LONP2: variants seen among roughly 807,000 people sequenced by gnomAD.
The protein encoded by LONP2 is lon peptidase 2, peroxisomal.
Under a neutral mutation model 85.6 loss-of-function variants are expected in LONP2, and 60 were observed. The ratio of observed to expected loss-of-function variants is 0.70; its 90% CI spans 0.57 to 0.87. The LOEUF (loss-of-function observed/expected upper bound fraction) is 0.87. Among genes scored for constraint, LONP2 ranks in the 40% least tolerant of loss-of-function variants. The probability of loss-of-function intolerance (pLI) is 0.00; values close to 1 mark genes in which losing one functional copy is unlikely to be tolerated. For synonymous variants in LONP2, 395 were observed against 389.7 expected (o/e 1.01, Z -0.16); for missense variants, 860 against 1,063.5 (o/e 0.81, Z 2.66).
At chr16:48,360,756 A>C (rs1238860554), downstream of LONP2, 1 of 152,620 alleles carries the variant, frequency 6.6e-6, no homozygotes, top group Middle Eastern at 3.2e-3. Flanking sequence ...TATTTATAAA[A>C]ATCAATTTAT....
At position 48,276,676 on chromosome 16, in the gene LONP2, C is replaced by T. The variant is rs1051451654; in HGVS notation, c.1242-662C>T. Among the ~76,000 whole-genome samples the T allele has an allele frequency of 4.6e-5, 7 of 152,076 alleles. No homozygotes were observed. The East Asian group carries it at 9.6e-4, about 21-fold the overall frequency. The stretch of plus-strand genomic sequence containing the variant: ...TCAACAAAATACCTGGCTGGCTGAA[C>T]GTGGTTATTGCCAATTAGTGCATAT... On this transcript the variant is annotated intron_variant, in intron 7 of 14. Coordinates refer to ENST00000285737, the MANE Select transcript of LONP2 (RefSeq NM_031490.5).
At chr16:48,312,623 G>T (rs74017908) in intron 11 of LONP2, among the ~76,000 whole-genome samples, 1,865 of 152,198 alleles carry the variant, frequency 0.012, 40 homozygotes, top group African/African-American at 0.042. Context: ...AGTAATGTAC[G>T]GGGTGGGTGA....
intron 8 of LONP2, among the ~76,000 whole-genome samples, chr16:48,284,047 G>C (rs1234609452): frequency 1.3e-5 from 2 of 152,136 alleles, no homozygotes; most frequent in African/African-American, 4.8e-5. Context: ...CCGCAGTTGT[G>C]GTAGAAATAG....
chr16:48,244,787 C>T (rs1452279892), intron 1 of LONP2, among the ~76,000 whole-genome samples, 166 bp downstream of exon 1: 4 of 152,230 alleles, frequency 2.6e-5, no homozygotes, highest in Admixed American at 6.5e-5. Context: ...TGTCAGATAC[C>T]TGCCCCATGA....
chr16:48,301,011 A>G (rs540160827), intron 10 of LONP2, among the ~76,000 whole-genome samples: 28 of 152,326 alleles, frequency 1.8e-4, no homozygotes, highest in Middle Eastern at 3.4e-3. Context: ...TGTTAACTCA[A>G]AATATCAGAT....
intron 13 of LONP2, 84 bp downstream of exon 13, chr16:48,347,798 C>A: frequency 7.9e-7 from 1 of 1,266,284 alleles, no homozygotes; most frequent in Non-Finnish European, 1.1e-6. Context: ...TCGAGACTGC[C>A]AGTTACACAT....
intron 11 of LONP2, among the ~76,000 whole-genome samples, chr16:48,331,152 A>G (rs1355453665): frequency 6.7e-6 from 1 of 148,562 alleles, no homozygotes; most frequent in African/African-American, 2.6e-5. Context: ...TTCCATCTAT[A>G]GTGTAGTAAC....
chr16:48,334,892 C>A (rs1415215224), intron 12 of LONP2: 2 of 408,090 alleles, frequency 4.9e-6, no homozygotes, highest in East Asian at 1.3e-4. Context: ...ACTCCATTCT[C>A]ATTTTTTTGT....
chr16:48,270,617 C>T (rs1972083599), intron 7 of LONP2, among the ~76,000 whole-genome samples: 2 of 152,108 alleles, frequency 1.3e-5, no homozygotes, highest in African/African-American at 4.8e-5. Flanking sequence ...ATCCCTAACT[C>T]TCAGAGTTAA....
At chr16:48,310,082 G>C (rs1442110279) in intron 11 of LONP2, among the ~76,000 whole-genome samples, 3 of 149,700 alleles carry the variant, frequency 2.0e-5, no homozygotes, top group Non-Finnish European at 3.0e-5. Context: ...AACTATTGTT[G>C]ATTTAAAGTC....
chr16:48,266,559 A>G (rs557825942), intron 6 of LONP2, among the ~76,000 whole-genome samples: 1 of 152,176 alleles, frequency 6.6e-6, no homozygotes. Context: ...AGCAACCACT[A>G]AAGATTAATC....
chr16:48,351,337 A>C (rs971670284), intron 14 of LONP2, among the ~76,000 whole-genome samples: 7 of 152,236 alleles, frequency 4.6e-5, no homozygotes, highest in African/African-American at 1.7e-4. Context: ...AGAGGAACTC[A>C]TACCTATCAA....
rs1381962007 is a variant in LONP2, at chr16:48,354,516, A to T, written c.*2714A>T. On this transcript the variant is annotated 3_prime_UTR_variant, in exon 15 of 15. Coordinates refer to ENST00000285737, the MANE Select transcript of LONP2 (RefSeq NM_031490.5). ...GAGCCACCACACCCGGCTTACATGC[A>T]TTTTTTATCACCACAAACTGAAACT... The T allele has an allele frequency of 6.6e-6, 1 of 152,112 alleles. No homozygotes were observed. The highest frequency in any genetic ancestry group is 1.5e-5 in the Non-Finnish European group (1 of 68,088). The allele number at this position is 152,112 out of a possible 1,614,324, so 9.4% of individuals were successfully genotyped here. A position where few individuals can be genotyped will look rare whatever the true frequency, so the allele number is the denominator to read the frequency against.
chr16:48,277,059 T>C (rs1208059780), intron 7 of LONP2, among the ~76,000 whole-genome samples: 1 of 152,186 alleles, frequency 6.6e-6, no homozygotes, highest in Non-Finnish European at 1.5e-5. Context: ...AACTGGTGAC[T>C]TAAGTGTCGT....
At position 48,351,744 on chromosome 16, in the gene LONP2, C is replaced by A. The variant is rs181511930; in HGVS notation, c.2501C>A (p.Ala834Asp). The change falls in exon 15 of 15, where the codon GCT (alanine) becomes GAT (aspartate). Residue 834 changes from alanine to aspartate, a missense_variant. Transcript: ENST00000285737. ...ASCLDEVLNA[A>D]FDGGFTVKTR... is the part of the protein sequence containing the mutation. ...TGCCTGGATGAGGTTCTTAATGCAG[C>A]TTTTGATGGTGGCTTTACTGTCAAG... The A allele has an allele frequency of 2.5e-6, 4 of 1,614,134 alleles. No individual in the cohort carries two copies. The East Asian group carries it at 8.9e-5, about 36-fold the overall frequency.
At chr16:48,273,650 G>A (rs74016377) in intron 7 of LONP2, among the ~76,000 whole-genome samples, 2,087 of 152,144 alleles carry the variant, frequency 0.014, 48 homozygotes, top group African/African-American at 0.048. Context: ...TTATATTTAA[G>A]TATTACATTT....
chr16:48,304,822 A>G (rs940456225), intron 11 of LONP2, among the ~76,000 whole-genome samples: 5 of 152,244 alleles, frequency 3.3e-5, no homozygotes, highest in Non-Finnish European at 1.5e-5. Context: ...TTTAACAAAC[A>G]TGAGTTGTAG....
In LONP2 at chr16:48,355,951, T is replaced by G. The variant is rs1960333029; in HGVS notation, c.*4149T>G. On this transcript the variant is annotated 3_prime_UTR_variant, in exon 15 of 15. Coordinates refer to ENST00000285737, the MANE Select transcript of LONP2 (RefSeq NM_031490.5). ...AAGTATTAAAACTAAAAGCTTTAGG[T>G]GCTTTGCTTATCAAGAAATCCTACA... 6.6e-6 allele frequency: 1 copy of G among 151,940 alleles called. No homozygotes were observed. Among genetic ancestry groups the G allele is most frequent in the Non-Finnish European group, 1.5e-5 (1 of 68,034 alleles). 9.4% of individuals were successfully genotyped at this position (151,940 alleles called of 1,614,324 possible).
At chr16:48,318,241 A>G (rs1008096382) in intron 11 of LONP2, among the ~76,000 whole-genome samples, 1 of 152,114 alleles carries the variant, frequency 6.6e-6, no homozygotes, top group African/African-American at 2.4e-5. Context: ...ATCAAAAGCC[A>G]GGTGTGGTGG....
Sources: gnomAD v4.1 joint callset for allele counts (sites outside exome capture counted in the v4.1 genomes callset) on GRCh38, gnomAD v4.1.1 for gene constraint, MANE v1.5 for transcripts, NCBI Gene and HGNC (gene_info 2026-07-23, HGNC 2026-07-21) for gene names.